ECEL1: variants seen among roughly 807,000 people sequenced by gnomAD.
ECEL1 encodes the protein endothelin converting enzyme like 1.
In ECEL1, 87 loss-of-function variants were observed where a neutral mutation model predicts 101.8. That is an observed-to-expected ratio of 0.85 (90% CI 0.72 to 1.02). The LOEUF is 1.02. Among genes scored for constraint, ECEL1 ranks in the 50% least tolerant of loss-of-function variants. The pLI is 0.00. For synonymous variants in ECEL1, 487 were observed against 468.7 expected (o/e 1.04, Z -0.50); for missense variants, 1,032 against 1,079.2 (o/e 0.96, Z 0.61).
At chr2:232,481,395 C>A in intron 14 of ECEL1, 111 bp downstream of exon 14, 1 of 1,501,082 alleles carries the variant, frequency 6.7e-7, no homozygotes, top group South Asian at 1.3e-5. Context: ...TGTGCAGGGA[C>A]CTGGGCACAG....
rs773685457 is a variant in ECEL1, at chr2:232,482,530, G to A, written c.1744+20C>T. The A allele has an allele frequency of 1.6e-5, 26 of 1,613,886 alleles. No homozygotes were observed. The highest frequency in any genetic ancestry group is 4.5e-5 in the East Asian group (2 of 44,896). On this transcript the variant is annotated intron_variant, in intron 11 of 17. Coordinates refer to ENST00000304546, the MANE Select transcript of ECEL1 (RefSeq NM_004826.4). ...ACTTTCGGACCCTGCCCCGCCCGGC[G>A]TAGGGACACATCCCCTTACCCATCT...
chr2:232,481,288 G>A (rs989844578), intron 14 of ECEL1, 132 bp from the exon 15 acceptor site: 19 of 1,334,248 alleles, frequency 1.4e-5, no homozygotes, highest in Non-Finnish European at 1.8e-5. Context: ...TTGAGGGGGG[G>A]CTCCAACCCT....
At position 232,486,195 on chromosome 2, in the gene ECEL1, G is replaced by T. The variant is rs767982707; in HGVS notation, c.459C>A (p.Ile153=). The T allele has an allele frequency of 1.3e-6, 2 of 1,596,398 alleles. No homozygotes were observed. The highest frequency in any genetic ancestry group is 1.7e-5 in the Admixed American group (1 of 59,110). ...DKLTYGTIAA[I]GEQNEERLRR... is the part of the protein sequence containing the mutation. The stretch of plus-strand genomic sequence containing the variant: ...GTAGGCGCTCCTCGTTTTGCTCGCC[G>T]ATGGCCGCGATGGTGCCATAGGTGA... The change falls in exon 2 of 18, where the codon ATC becomes ATA. Residue 153 remains isoleucine (I), a synonymous_variant. Coordinates refer to ENST00000304546, the MANE Select transcript of ECEL1 (RefSeq NM_004826.4).
Position 232,482,313 on chromosome 2 carries a change from G to A in ECEL1, c.1796+105C>T, listed in dbSNP as rs1304487212. Reference sequence around the variant, plus strand: ...CTGTCCTGACTCCTGAACCCAGCTGGGTCTGGGGCGATTGGAGCCACAGTA... The same window carrying A: ...CTGTCCTGACTCCTGAACCCAGCTGAGTCTGGGGCGATTGGAGCCACAGTA... On this transcript the variant is annotated intron_variant, in intron 12 of 17. Transcript: ENST00000304546. The A allele has an allele frequency of 6.7e-6, 10 of 1,491,428 alleles. No individual in the cohort carries two copies. The East Asian group carries it at 2.3e-4, about 34-fold the overall frequency. The allele number at this position is 1,491,428 out of a possible 1,614,324, so 92.4% of individuals were successfully genotyped here.
rs2741282 is a variant in ECEL1 at position 232,487,069 on chromosome 2, T to C, written c.-101-315A>G. ...AAGGTCGTCCCTCTTCCCCTTCGCC[T>C]TTCTCTTCCACGACCTGCCCCAGCC... On this transcript the variant is annotated intron_variant, in intron 1 of 17. Transcript: ENST00000304546. 0.026 allele frequency among the ~76,000 whole-genome samples: 3,993 copies of C among 152,276 alleles called. 96 individuals carry two copies. The highest frequency in any genetic ancestry group is 0.13 in the East Asian group (652 of 5,154).
intron 10 of ECEL1, 90 bp downstream of exon 10, chr2:232,482,761 T>C: frequency 6.5e-7 from 1 of 1,542,970 alleles, no homozygotes; most frequent in South Asian, 1.1e-5. Flanking sequence ...GCCCCCCATA[T>C]CTGCATGGCT....
chr2:232,485,820 C>A (rs1384688442), intron 2 of ECEL1, 48 bp downstream of exon 2: 5 of 1,533,854 alleles, frequency 3.3e-6, no homozygotes, highest in Middle Eastern at 1.9e-4. Flanking sequence ...AAGGCCACTG[C>A]GCCCCGGATC....
In ECEL1 at chr2:232,482,971, C is replaced by A; in HGVS notation, c.1582-17G>T. On this transcript the variant is annotated splice_polypyrimidine_tract_variant and intron_variant, in intron 9 of 17. Transcript: ENST00000304546. ...GACCTCAAACTGCAGGAGGCACGGG[C>A]GACACTCAGCGGCAGGCCAGGGCAG... 1.9e-6 allele frequency: 3 copies of A among 1,613,886 alleles called. No individual in the cohort carries two copies. Among genetic ancestry groups the A allele is most frequent in the Admixed American group, 1.7e-5 (1 of 60,034 alleles).
Position 232,483,139 on chromosome 2 carries a change from A to T in ECEL1, c.1547T>A (p.Leu516Gln). ...MMVMVGYPDFLLKPDAVDKEY... is the reference protein window; with the variant it reads ...MMVMVGYPDFQLKPDAVDKEY... ...CTTGTCCACAGCATCGGGTTTCAGCAGGAAGTCCGGGTAGCCGACCATCAC... is the reference window on the plus strand; with the variant it reads ...CTTGTCCACAGCATCGGGTTTCAGCTGGAAGTCCGGGTAGCCGACCATCAC... Residue 516 changes from leucine (L) to glutamine (Q), a missense_variant, in exon 9 of 18, where the codon CTG (leucine) becomes CAG (glutamine). Leu to Gln is a moderately radical substitution (Grantham distance 113). Coordinates refer to ENST00000304546, the MANE Select transcript of ECEL1 (RefSeq NM_004826.4). 6.2e-7 allele frequency: 1 copy of T among 1,609,460 alleles called. No individual in the cohort carries two copies. The highest frequency in any genetic ancestry group is 1.3e-5 in the African/African-American group (1 of 75,006).
At position 232,481,579 on chromosome 2, in the gene ECEL1, G is replaced by A. The variant is rs768971199; in HGVS notation, c.1916C>T (p.Ser639Phe). 11 of 1,613,704 alleles carry A rather than the reference G, an allele frequency of 6.8e-6. No homozygotes were observed. Among genetic ancestry groups the A allele is most frequent in the Non-Finnish European group, 7.6e-6 (9 of 1,180,016 alleles). The part of the protein sequence containing the change: ...GNLLHWWTEA[S>F]YSRFLRKAEC... ...AGCCTTTCGCAGGAAGCGGCTGTAG[G>A]AGGCCTCCGTCCACCAGTGCAGCAG... is the stretch of plus-strand genomic sequence containing the variant. Residue 639 changes from serine (S) to phenylalanine (F), a missense_variant, in exon 14 of 18, where the codon TCC (serine) becomes TTC (phenylalanine). Transcript: ENST00000304546.
chr2:232,483,916 G>T, intron 7 of ECEL1, 85 bp downstream of exon 7: 1 of 1,423,256 alleles, frequency 7.0e-7, no homozygotes, highest in Non-Finnish European at 9.6e-7. Flanking sequence ...GGACATGTGG[G>T]GCTCCCCATA....
chr2:232,484,034 T>G lies in ECEL1; in HGVS notation c.1374A>C (p.Val458=). 6.2e-7 allele frequency: 1 copy of G among 1,611,466 alleles called. No individual in the cohort carries two copies. The highest frequency in any genetic ancestry group is 1.1e-5 in the South Asian group (1 of 90,916). The part of the protein sequence containing the change: ...HFGMALGALF[V]HEHFSAASKA... ...TGCTGGCAGCTGAGAAGTGCTCATG[T>G]ACAAAGAGGGCGCCAAGCGCCATGC... The change falls in exon 7 of 18, where the codon GTA becomes GTC. Residue 458 remains valine (V), a synonymous_variant. Coordinates refer to ENST00000304546, the MANE Select transcript of ECEL1 (RefSeq NM_004826.4).
At chr2:232,485,837 C>G in intron 2 of ECEL1, 31 bp downstream of exon 2, 1 of 1,538,434 alleles carries the variant, frequency 6.5e-7, no homozygotes, top group Non-Finnish European at 8.7e-7. Context: ...GATCCGCGGC[C>G]GCTGGCAGGG....
At chr2:232,485,481 A>G (rs1325832414) in intron 2 of ECEL1, among the ~76,000 whole-genome samples, 2 of 152,124 alleles carry the variant, frequency 1.3e-5, no homozygotes, top group East Asian at 3.9e-4. Context: ...TTACCCCTGT[A>G]CGTCTGCACT....
At position 232,486,019 on chromosome 2, in the gene ECEL1, T is replaced by TCCCAGCC; in HGVS notation, c.628_634dup (p.Asp212GlyfsTer55). ...CGGACGCTCCTCCGCGCCGCCCAGG[T>TCCCAGCC]CCCAGCCCCCGCAGTCCTCGATGAC... On this transcript the variant is annotated frameshift_variant, in exon 2 of 18. Transcript: ENST00000304546. LOFTEE classifies it high-confidence loss of function. 6.2e-7 allele frequency: 1 copy of TCCCAGCC among 1,608,496 alleles called. No homozygotes were observed. The highest frequency in any genetic ancestry group is 8.5e-7 in the Non-Finnish European group (1 of 1,178,506).
intron 12 of ECEL1, 120 bp from the exon 13 acceptor site, chr2:232,481,969 G>C: frequency 7.5e-7 from 1 of 1,338,276 alleles, no homozygotes; most frequent in Non-Finnish European, 1.0e-6. Context: ...GGCCACAGAG[G>C]CATCCGTGCG....
In ECEL1 at chr2:232,484,784, G is replaced by T; in HGVS notation, c.1059+17C>A. On this transcript the variant is annotated intron_variant, in intron 5 of 17. Coordinates refer to ENST00000304546, the MANE Select transcript of ECEL1 (RefSeq NM_004826.4). ...GCCCTCAACCCTGCCTGCCCACGAG[G>T]ACTGGGCCACACTCACGTGGGGGGT... The T allele has an allele frequency of 6.2e-7, 1 of 1,613,504 alleles. No homozygotes were observed. Among genetic ancestry groups the T allele is most frequent in the South Asian group, 1.1e-5 (1 of 91,050 alleles).
Position 232,483,437 on chromosome 2 carries a change from G to A in ECEL1, c.1485C>T (p.Thr495=). 6.2e-7 allele frequency: 1 copy of A among 1,611,556 alleles called. No individual in the cohort carries two copies. Among genetic ancestry groups the A allele is most frequent in the Non-Finnish European group, 8.5e-7 (1 of 1,179,336 alleles). Residue 495 remains threonine, a synonymous_variant, in exon 8 of 18, where the codon ACC becomes ACT. Coordinates refer to ENST00000304546, the MANE Select transcript of ECEL1 (RefSeq NM_004826.4). ...LEELDWMDAE[T]RAAARAKLQY... is the part of the protein sequence containing the mutation. ...TCACCTTGGCCCGAGCAGCAGCCCT[G>A]GTCTCGGCGTCCATCCAGTCCAGCT... is the stretch of plus-strand genomic sequence containing the variant.
Position 232,481,168 on chromosome 2 carries a change from G to A in ECEL1, c.1990-12C>T, listed in dbSNP as rs761171816. ...TGTTTCCCGTTCACCTGCCGGGAAGGGAAGAGGCCAGGGGGCTGCTTGGGG... is the reference window on the plus strand; with the variant it reads ...TGTTTCCCGTTCACCTGCCGGGAAGAGAAGAGGCCAGGGGGCTGCTTGGGG... On this transcript the variant is annotated splice_polypyrimidine_tract_variant and intron_variant, in intron 14 of 17. Coordinates refer to ENST00000304546, the MANE Select transcript of ECEL1 (RefSeq NM_004826.4). 1 of 1,559,976 alleles carries A rather than the reference G, an allele frequency of 6.4e-7. No individual in the cohort carries two copies. Among genetic ancestry groups the A allele is most frequent in the Non-Finnish European group, 8.7e-7 (1 of 1,151,986 alleles).
Sources: gnomAD v4.1 joint callset for allele counts (sites outside exome capture counted in the v4.1 genomes callset) on GRCh38, gnomAD v4.1.1 for gene constraint, MANE v1.5 for transcripts, NCBI Gene and HGNC (gene_info 2026-07-23, HGNC 2026-07-21) for gene names.